AGBL1: variants seen among roughly 807,000 people sequenced by gnomAD.
AGBL1 encodes the protein cytosolic carboxypeptidase 4.
Under a neutral mutation model 118.9 loss-of-function variants are expected in AGBL1, and 130 were observed. The observed-to-expected ratio is 1.09, with a 90% confidence interval of 0.95 to 1.26. AGBL1 has a LOEUF of 1.26. Among genes scored for constraint, AGBL1 ranks in the 50% most tolerant of loss-of-function variants. The pLI is 0.00. For synonymous variants in AGBL1, 555 were observed against 478.9 expected (o/e 1.16, Z -2.08); for missense variants, 1,584 against 1,298.1 (o/e 1.22, Z -3.38).
At chr15:86,793,993 T>C (rs77187575) in intron 22 of AGBL1, among the ~76,000 whole-genome samples, 64 of 152,314 alleles carry the variant, frequency 4.2e-4, no homozygotes, top group African/African-American at 1.5e-3. Flanking sequence ...ACTTAATACA[T>C]TGCTGGTGCA....
At chr15:86,897,764 C>CTTTTTTTTTTTTTTT (rs71460231) in intron 22 of AGBL1, among the ~76,000 whole-genome samples, 46 of 80,606 alleles carry the variant, frequency 5.7e-4, no homozygotes, top group Non-Finnish European at 7.8e-4. Flanking sequence ...CATCTTTTAT[C>CTTTTTTTTTTTTTTT]TTTTTTTTTT....
intron 17 of AGBL1, among the ~76,000 whole-genome samples, chr15:86,350,196 C>G (rs952159832): frequency 6.6e-6 from 1 of 152,134 alleles, no homozygotes; most frequent in South Asian, 2.1e-4. Context: ...CACATTTTCT[C>G]TTTAATTTTT....
intron 24 of AGBL1, among the ~76,000 whole-genome samples, chr15:86,989,191 G>C (rs960779706): frequency 1.3e-5 from 2 of 151,840 alleles, no homozygotes; most frequent in African/African-American, 4.8e-5. Context: ...TGTAGAGATA[G>C]GGTCTCACTA....
intron 22 of AGBL1, among the ~76,000 whole-genome samples, chr15:86,717,235 C>A (rs2142708085): frequency 6.6e-6 from 1 of 152,258 alleles, no homozygotes; most frequent in African/African-American, 2.4e-5. Flanking sequence ...TGGGGTAGCA[C>A]TTCATAATGA....
chr15:86,433,266 CTTTTT>C (rs59417397), intron 18 of AGBL1, among the ~76,000 whole-genome samples: 27 of 74,892 alleles, frequency 3.6e-4, no homozygotes, highest in African/African-American at 6.3e-4. Context: ...CCTCCTTCTT[CTTTTT>C]TTTTTTTTTT....
intron 22 of AGBL1, among the ~76,000 whole-genome samples, chr15:86,834,852 G>A (rs1337217541): frequency 6.6e-6 from 1 of 152,196 alleles, no homozygotes; most frequent in African/African-American, 2.4e-5. Context: ...GAGGTGTGGG[G>A]AAGTTAATTT....
rs71460231 is a variant in AGBL1, at chr15:86,897,764, C to CTTTTTTTTTTT, written c.3159-9310_3159-9300dup. On this transcript the variant is annotated intron_variant, in intron 22 of 22. Coordinates refer to ENST00000614907, the MANE Select transcript of AGBL1 (RefSeq NM_001386094.1). ...ATAATTTACTCCTTTCATCTTTTAT[C>CTTTTTTTTTTT]TTTTTTTTTTTTTTTTTTTTTTTGA... Among the ~76,000 whole-genome samples, 198 of 80,638 alleles carry CTTTTTTTTTTT rather than the reference C, an allele frequency of 2.5e-3. 1 individual carries two copies. Among genetic ancestry groups the CTTTTTTTTTTT allele is most frequent in the Non-Finnish European group, 3.3e-3 (146 of 44,876 alleles). The allele number at this position is 80,638 out of a possible 152,430, so 52.9% of individuals were successfully genotyped here.
At chr15:86,894,423 G>C (rs1438947689) in intron 22 of AGBL1, among the ~76,000 whole-genome samples, 1 of 152,122 alleles carries the variant, frequency 6.6e-6, no homozygotes, top group Non-Finnish European at 1.5e-5. Flanking sequence ...GAGCTGCAGA[G>C]AGAGCAACTC....
chr15:86,232,276 G>A (rs938276167), intron 6 of AGBL1, among the ~76,000 whole-genome samples: 7 of 152,220 alleles, frequency 4.6e-5, no homozygotes, highest in Admixed American at 2.6e-4. Context: ...GTCAGACCCA[G>A]TAGGTTGGGC....
chr15:86,974,039 T>C (rs1390013640), intron 23 of AGBL1, among the ~76,000 whole-genome samples: 3 of 131,636 alleles, frequency 2.3e-5, no homozygotes, highest in African/African-American at 8.6e-5. Flanking sequence ...TAAACATATT[T>C]AATATATTAA....
At chr15:86,190,130 G>A (rs1332725906) in intron 5 of AGBL1, among the ~76,000 whole-genome samples, 1 of 152,048 alleles carries the variant, frequency 6.6e-6, no homozygotes. Flanking sequence ...TTTTTAATTA[G>A]TTCTATTTAT....
chr15:86,392,027 T>C (rs1465491820), intron 17 of AGBL1, among the ~76,000 whole-genome samples: 4 of 152,180 alleles, frequency 2.6e-5, no homozygotes, highest in Non-Finnish European at 5.9e-5. Flanking sequence ...TTTGCCTTTG[T>C]GAAATTGACA....
chr15:86,287,545 C>T (rs1295599619), intron 16 of AGBL1, among the ~76,000 whole-genome samples: 3 of 152,096 alleles, frequency 2.0e-5, no homozygotes, highest in South Asian at 4.1e-4. Flanking sequence ...GATCAATTCT[C>T]ATTCTTCCAC....
At chr15:86,177,547 A>T (rs781351363) in intron 5 of AGBL1, among the ~76,000 whole-genome samples, 20 of 152,242 alleles carry the variant, frequency 1.3e-4, no homozygotes, top group Admixed American at 6.5e-5. Flanking sequence ...ATTATGAACC[A>T]TAAAGCCAGT....
chr15:86,323,581 T>A lies in AGBL1; in HGVS notation c.2374+28173T>A, dbSNP rs971544213. Among the ~76,000 whole-genome samples the A allele has an allele frequency of 2.0e-5, 3 of 152,344 alleles. No homozygotes were observed. In the East Asian group the frequency reaches 5.8e-4, roughly 29 times the overall value. ...GGCAATTTGACTAGAGACAAGGGCA[T>A]TGAAAGTTAAATAACTGCCAGTGCA... On this transcript the variant is annotated intron_variant, in intron 17 of 22. Coordinates refer to ENST00000614907, the MANE Select transcript of AGBL1 (RefSeq NM_001386094.1).
At chr15:86,846,043 CTT>C (rs2079312584) in intron 22 of AGBL1, among the ~76,000 whole-genome samples, 1 of 152,206 alleles carries the variant, frequency 6.6e-6, no homozygotes. Flanking sequence ...ATAAAACTCT[CTT>C]TTCTATTTAG....
intron 22 of AGBL1, among the ~76,000 whole-genome samples, chr15:86,686,667 A>G (rs111656984): frequency 0.044 from 6,634 of 151,950 alleles, 443 homozygotes; most frequent in African/African-American, 0.14. Context: ...TTGAACTCCT[A>G]ACCTCGTGAT....
At chr15:86,730,415 A>G (rs1194193680) in intron 22 of AGBL1, among the ~76,000 whole-genome samples, 1 of 152,226 alleles carries the variant, frequency 6.6e-6, no homozygotes, top group East Asian at 1.9e-4. Context: ...CAAGCAAAAA[A>G]CTAGCAACTC....
At chr15:86,706,555 A>C (rs1390758645) in intron 22 of AGBL1, among the ~76,000 whole-genome samples, 4 of 152,082 alleles carry the variant, frequency 2.6e-5, no homozygotes, top group African/African-American at 7.2e-5. Flanking sequence ...TTGCTTTGTA[A>C]AACTTGCTGC....
Sources: allele counts gnomAD v4.1 joint callset (sites outside exome capture counted in the v4.1 genomes callset), GRCh38; gene constraint gnomAD v4.1.1; transcripts MANE v1.5; gene names NCBI Gene and HGNC (gene_info 2026-07-23, HGNC 2026-07-21).